The following SCRN1 variants were observed in gnomAD, a reference collection of about 807,000 sequenced individuals.
SCRN1 encodes secernin-1.
A neutral mutation model predicts 43.3 loss-of-function variants in SCRN1; 19 were observed. The observed-to-expected ratio is 0.44, with a 90% CI of 0.31 to 0.64. The LOEUF (loss-of-function observed/expected upper bound fraction) is 0.64, where lower values mean the gene tolerates loss of function less well. Among genes scored for constraint, SCRN1 ranks in the 30% least tolerant of loss-of-function variants. The probability of loss-of-function intolerance (pLI) is 0.09; values close to 1 mark genes in which losing one functional copy is unlikely to be tolerated. For synonymous variants in SCRN1, 183 were observed against 188.9 expected, an observed-to-expected ratio of 0.97 and a Z score of 0.26; for missense variants, 447 against 524.1, an observed-to-expected ratio of 0.85 and a Z score of 1.44.
intron 2 of SCRN1, among the ~76,000 whole-genome samples, chr7:29,959,930 A>G (rs1788250840): frequency 6.7e-6 from 1 of 148,376 alleles, no homozygotes; most frequent in African/African-American, 2.5e-5. Context: ...AAAAAAAGAA[A>G]GAAAGGAAGA....
intron 1 of SCRN1, chr7:29,970,075 G>A (rs901642368): frequency 3.1e-6 from 1 of 325,666 alleles, no homozygotes; most frequent in Admixed American, 3.9e-5. Context: ...CGGAGGGGTT[G>A]CTCCAAAACC....
chr7:29,947,903 T>G (rs1386656121), intron 3 of SCRN1, among the ~76,000 whole-genome samples: 1 of 152,206 alleles, frequency 6.6e-6, no homozygotes, highest in Non-Finnish European at 1.5e-5. Flanking sequence ...GATGGCCGTC[T>G]GCAAACCAGC....
chr7:29,947,343 C>G (rs1388877700), intron 3 of SCRN1: 6 of 1,549,374 alleles, frequency 3.9e-6, no homozygotes, highest in Non-Finnish European at 5.2e-6. Context: ...ATGGGTCACA[C>G]CTGTACTTCT....
chr7:29,940,529 C>T (rs573329742), intron 5 of SCRN1, among the ~76,000 whole-genome samples, 153 bp downstream of exon 5: 1 of 152,312 alleles, frequency 6.6e-6, no homozygotes, highest in Admixed American at 6.5e-5. Context: ...TTCTTGCCTG[C>T]ACATCAGGGA....
At chr7:29,924,254 C>G (rs913357412) in intron 7 of SCRN1, 139 bp from the exon 8 acceptor site, 1 of 774,642 alleles carries the variant, frequency 1.3e-6, no homozygotes, top group Non-Finnish European at 2.0e-6. Flanking sequence ...ACACGACTGC[C>G]GCAGGGATTG....
intron 6 of SCRN1, 59 bp downstream of exon 6, chr7:29,936,497 G>C: frequency 7.0e-7 from 1 of 1,422,490 alleles, no homozygotes; most frequent in Non-Finnish European, 9.4e-7. Context: ...CGCACTTGCT[G>C]AATGAGCTTT....
chr7:29,966,487 G>A (rs1189802068), intron 2 of SCRN1, among the ~76,000 whole-genome samples: 5 of 152,154 alleles, frequency 3.3e-5, no homozygotes, highest in Admixed American at 3.3e-4. Flanking sequence ...AACGTTCAGG[G>A]AGGACAGACA....
intron 7 of SCRN1, among the ~76,000 whole-genome samples, chr7:29,925,865 A>C (rs1326726040): frequency 6.6e-6 from 1 of 151,788 alleles, no homozygotes; most frequent in Non-Finnish European, 1.5e-5. Flanking sequence ...AAAAAAAAAA[A>C]AAAAAAACCC....
intron 5 of SCRN1, among the ~76,000 whole-genome samples, chr7:29,937,510 C>T (rs1787381066): frequency 6.6e-6 from 1 of 152,176 alleles, no homozygotes; most frequent in Non-Finnish European, 1.5e-5. Flanking sequence ...AGCTGTACCT[C>T]AACCAGTACA....
chr7:29,970,052 C>T (rs961981801), intron 1 of SCRN1: 58 of 347,690 alleles, frequency 1.7e-4, no homozygotes, highest in Non-Finnish European at 2.1e-4. Context: ...GCCTGGACCA[C>T]TACAATAACT....
rs1332264373 is a variant in SCRN1, at chr7:29,933,700, A to G, written c.905+2856T>C. On this transcript the variant is annotated intron_variant, in intron 6 of 7. Transcript: ENST00000242059. ...GCATCTCCTTCCACTTCTCAACCTT[A>G]CATACTACCTAGCACATAGTAGGAG... is the stretch of plus-strand genomic sequence containing the variant. Among the ~76,000 whole-genome samples, 4 of 152,166 alleles carry G rather than the reference A, an allele frequency of 2.6e-5. No individual in the cohort carries two copies. The East Asian group carries it at 7.7e-4, about 29-fold the overall frequency.
intron 6 of SCRN1, 95 bp downstream of exon 6, chr7:29,936,461 G>A: frequency 8.8e-7 from 1 of 1,139,642 alleles, no homozygotes; most frequent in South Asian, 2.4e-5. Context: ...GCTATCCAAG[G>A]GGAGGACATG....
At chr7:29,966,977 G>T (rs576776884) in intron 2 of SCRN1, among the ~76,000 whole-genome samples, 2 of 151,440 alleles carry the variant, frequency 1.3e-5, no homozygotes, top group East Asian at 3.9e-4. Context: ...TGTAATGGAA[G>T]AATTTAAGAA....
At chr7:29,947,849 ACGT>A (rs1312598028) in intron 3 of SCRN1, among the ~76,000 whole-genome samples, 1 of 152,184 alleles carries the variant, frequency 6.6e-6, no homozygotes, top group Non-Finnish European at 1.5e-5. Context: ...ACACCAGAAC[ACGT>A]CCTCTTTCTC....
intron 6 of SCRN1, among the ~76,000 whole-genome samples, chr7:29,934,182 T>C (rs952965448): frequency 6.6e-6 from 1 of 152,360 alleles, no homozygotes; most frequent in Admixed American, 6.5e-5. Flanking sequence ...TCTTCTATAA[T>C]ACAAGGTTTT....
chr7:29,943,836 C>T (rs543050146), intron 4 of SCRN1, 141 bp downstream of exon 4: 1 of 744,514 alleles, frequency 1.3e-6, no homozygotes, highest in Non-Finnish European at 2.3e-6. Flanking sequence ...AAATGAGAGG[C>T]ATGCCAAAGC....
intron 1 of SCRN1, chr7:29,988,958 G>C (rs1241647424): frequency 6.6e-6 from 1 of 152,232 alleles, no homozygotes; most frequent in Non-Finnish European, 1.5e-5. Context: ...GAGCCGAGGA[G>C]GCAGAGGCCG....
chr7:29,934,515 G>A (rs1787258095), intron 6 of SCRN1, among the ~76,000 whole-genome samples: 1 of 152,210 alleles, frequency 6.6e-6, no homozygotes, highest in Non-Finnish European at 1.5e-5. Flanking sequence ...AACTCCAAAT[G>A]TCCATATGTA....
chr7:29,960,073 TC>T (rs1214545084), intron 2 of SCRN1, among the ~76,000 whole-genome samples: 3 of 151,936 alleles, frequency 2.0e-5, no homozygotes, highest in African/African-American at 2.4e-5. Flanking sequence ...TTTGCTCAGC[TC>T]TCTCTGATTC....
Sources: gnomAD v4.1 joint callset for allele counts (sites outside exome capture counted in the v4.1 genomes callset) on GRCh38, gnomAD v4.1.1 for gene constraint, MANE v1.5 for transcripts, NCBI Gene and HGNC (gene_info 2026-07-23, HGNC 2026-07-21) for gene names.